Variants in CACNB4 observed in about 807,000 individuals in gnomAD.
CACNB4 encodes calcium voltage-gated channel auxiliary subunit beta 4, also known as voltage-dependent L-type calcium channel subunit beta-4.
CACNB4 carries 32 observed loss-of-function variants against 71.2 expected under a neutral mutation model. The observed-to-expected ratio is 0.45, with a 90% CI of 0.34 to 0.60. CACNB4 has a LOEUF of 0.60. CACNB4 is among the 20% of genes least tolerant of loss of function. The probability of loss-of-function intolerance (pLI) is 0.01; values close to 1 mark genes in which losing one functional copy is unlikely to be tolerated. For missense variants in CACNB4, 464 were observed against 647.9 expected, an observed-to-expected ratio of 0.72 and a Z score of 3.08; for synonymous variants, 231 against 236.9, an observed-to-expected ratio of 0.97 and a Z score of 0.23.
intron 2 of CACNB4, among the ~76,000 whole-genome samples, chr2:152,001,424 C>T (rs897715102): frequency 6.8e-6 from 1 of 148,030 alleles, no homozygotes; most frequent in South Asian, 2.2e-4. Context: ...CACGGTGGCG[C>T]ATGCCTGTAA....
intron 2 of CACNB4, among the ~76,000 whole-genome samples, chr2:151,907,302 G>C (rs2099855068): frequency 6.6e-6 from 1 of 152,064 alleles, no homozygotes; most frequent in Admixed American, 6.5e-5. Flanking sequence ...ATTTTTTCCT[G>C]AATCAGGTCC....
At chr2:151,951,337 T>C (rs2099866866) in intron 2 of CACNB4, among the ~76,000 whole-genome samples, 1 of 151,986 alleles carries the variant, frequency 6.6e-6, no homozygotes, top group Non-Finnish European at 1.5e-5. Context: ...TTCTTTCCCC[T>C]ACCCAATTCC....
intron 2 of CACNB4, among the ~76,000 whole-genome samples, chr2:151,945,146 T>C (rs893535798): frequency 1.5e-4 from 23 of 152,186 alleles, no homozygotes; most frequent in Non-Finnish European, 2.6e-4. Flanking sequence ...TGTATTTGTT[T>C]GTTAAAATGA....
intron 2 of CACNB4, among the ~76,000 whole-genome samples, chr2:151,894,359 C>A (rs988448184): frequency 4.6e-5 from 7 of 152,122 alleles, no homozygotes; most frequent in Non-Finnish European, 1.0e-4. Flanking sequence ...TCAACAGATG[C>A]AGAAGACTCA....
At chr2:152,064,137 A>G (rs1360651872) in intron 2 of CACNB4, among the ~76,000 whole-genome samples, 3 of 152,220 alleles carry the variant, frequency 2.0e-5, no homozygotes, top group Non-Finnish European at 4.4e-5. Flanking sequence ...AGGTCTAGCT[A>G]TGTCTAACGG....
chr2:152,063,758 G>C (rs991484694), intron 2 of CACNB4, among the ~76,000 whole-genome samples: 9 of 152,168 alleles, frequency 5.9e-5, no homozygotes, highest in African/African-American at 2.2e-4. Context: ...GGTTAATGAG[G>C]ACCAAGAGGG....
At chr2:152,030,508 G>A (rs988175655) in intron 2 of CACNB4, among the ~76,000 whole-genome samples, 22 of 151,988 alleles carry the variant, frequency 1.4e-4, no homozygotes, top group Non-Finnish European at 3.1e-4. Flanking sequence ...TGTGCACAAC[G>A]TGCAGGTTTG....
At chr2:151,974,333 C>CA (rs1191032612) in intron 2 of CACNB4, among the ~76,000 whole-genome samples, 1 of 151,938 alleles carries the variant, frequency 6.6e-6, no homozygotes, top group Non-Finnish European at 1.5e-5. Context: ...GCATTTAAGT[C>CA]AAAAGGGCAA....
At chr2:151,975,185 C>T (rs1047019607) in intron 2 of CACNB4, among the ~76,000 whole-genome samples, 1 of 152,194 alleles carries the variant, frequency 6.6e-6, no homozygotes, top group Admixed American at 6.5e-5. Flanking sequence ...GCACTGGCTG[C>T]AGTTCATGGG....
chr2:151,863,016 T>A, intron 9 of CACNB4, among the ~76,000 whole-genome samples: 1 of 152,032 alleles, frequency 6.6e-6, no homozygotes, highest in East Asian at 1.9e-4. Context: ...GCATGAAGTC[T>A]CATAGGCAGC....
chr2:152,072,647 C>CTTT (rs964294271), intron 2 of CACNB4, among the ~76,000 whole-genome samples: 1 of 145,486 alleles, frequency 6.9e-6, no homozygotes. Flanking sequence ...TTTTTCTTTT[C>CTTT]TTTTTTTTTT....
intron 2 of CACNB4, among the ~76,000 whole-genome samples, chr2:152,008,786 G>C (rs185357661): frequency 1.1e-4 from 17 of 152,146 alleles, no homozygotes; most frequent in Admixed American, 1.1e-3. Context: ...TGGGTGCAGC[G>C]GGGAGCTTGT....
intron 2 of CACNB4, among the ~76,000 whole-genome samples, chr2:151,983,036 T>A (rs1000053617): frequency 3.9e-5 from 6 of 152,302 alleles, no homozygotes; most frequent in Middle Eastern, 3.4e-3. Context: ...ACTGCAAATC[T>A]CCACCTAAAC....
At position 152,098,683 on chromosome 2, in the gene CACNB4, C is replaced by T. The variant is rs749603775; in HGVS notation, c.63+266G>A. 40 of 1,566,434 alleles carry T rather than the reference C, an allele frequency of 2.6e-5. No homozygotes were observed. The highest frequency in any genetic ancestry group is 6.8e-5 in the African/African-American group (5 of 73,606). On this transcript the variant is annotated intron_variant, in intron 1 of 13. Transcript: ENST00000539935. This position sits in a 1 kb window ranked among gnomAD's most constrained non-coding sequence, Gnocchi z 5.3. The stretch of plus-strand genomic sequence containing the variant: ...ACTCTCAGGGTGCGGGGTCCGAGTC[C>T]CCGGCATCCGCTGGGGGAGGCTGCG...
At chr2:151,846,669 C>T (rs1313582029) in intron 12 of CACNB4, among the ~76,000 whole-genome samples, 1 of 152,180 alleles carries the variant, frequency 6.6e-6, no homozygotes, top group East Asian at 1.9e-4. Context: ...TGTCCCACCT[C>T]AGCCTCCTGA....
chr2:151,854,610 A>G (rs540170500), intron 11 of CACNB4: 97 of 152,344 alleles, frequency 6.4e-4, no homozygotes, highest in African/African-American at 2.2e-3. Flanking sequence ...AAAATGAAAG[A>G]ACACCCAAAT....
chr2:152,074,223 C>A (rs1293313380), intron 2 of CACNB4, among the ~76,000 whole-genome samples: 1 of 151,890 alleles, frequency 6.6e-6, no homozygotes, highest in Non-Finnish European at 1.5e-5. Flanking sequence ...TCGTTGCCAT[C>A]TCCACCACAG....
At chr2:151,980,197 T>C (rs2099874473) in intron 2 of CACNB4, among the ~76,000 whole-genome samples, 1 of 152,176 alleles carries the variant, frequency 6.6e-6, no homozygotes, top group Non-Finnish European at 1.5e-5. Flanking sequence ...GCACCTAATA[T>C]TTCCTCTAAA....
intron 2 of CACNB4, chr2:151,970,781 G>A (rs1320803196): frequency 2.0e-5 from 3 of 152,236 alleles, no homozygotes; most frequent in Non-Finnish European, 4.4e-5. Context: ...GGTAATACAA[G>A]AAGTAAGGTG....
Sources: allele counts gnomAD v4.1 joint callset (sites outside exome capture counted in the v4.1 genomes callset), GRCh38; gene constraint gnomAD v4.1.1; non-coding constraint Gnocchi (gnomAD v3.1); transcripts MANE v1.5; gene names NCBI Gene and HGNC (gene_info 2026-07-23, HGNC 2026-07-21).